Variants in PPM1H observed in about 807,000 individuals in gnomAD.
PPM1H encodes the protein protein phosphatase 1H.
PPM1H carries 27 observed loss-of-function variants against 54.9 expected under a neutral mutation model. The ratio of observed to expected loss-of-function variants is 0.49; its 90% CI spans 0.36 to 0.68. The LOEUF is 0.68. PPM1H is among the 30% of genes least tolerant of loss of function. PPM1H has a pLI of 0.00. For synonymous variants in PPM1H, 305 were observed against 270.8 expected (o/e 1.13, Z -1.24); for missense variants, 596 against 667.8 (o/e 0.89, Z 1.19).
In PPM1H at chr12:62,646,908, A is replaced by T. The variant is rs1404588925; in HGVS notation, c.*1581T>A. The T allele has an allele frequency of 6.6e-6, 1 of 152,184 alleles. No homozygotes were observed. The highest frequency in any genetic ancestry group is 1.9e-4 in the East Asian group (1 of 5,180). 9.4% of individuals were successfully genotyped at this position (152,184 alleles called of 1,614,324 possible). ...CTCTCCTCTGGGAAGAAATTCAAAC[A>T]AATATGAGAACTGGAATTAGCTCTC... On this transcript the variant is annotated 3_prime_UTR_variant, in exon 10 of 10. Coordinates refer to ENST00000228705, the MANE Select transcript of PPM1H (RefSeq NM_020700.2).
intron 6 of PPM1H, among the ~76,000 whole-genome samples, chr12:62,710,779 CTTT>C (rs1299058970): frequency 6.6e-6 from 1 of 152,122 alleles, no homozygotes; most frequent in African/African-American, 2.4e-5. Flanking sequence ...CTTCCTTTGT[CTTT>C]TTGTTTTCTA....
chr12:62,771,447 G>C (rs1384738711), intron 4 of PPM1H, among the ~76,000 whole-genome samples: 1 of 152,024 alleles, frequency 6.6e-6, no homozygotes, highest in Non-Finnish European at 1.5e-5. Context: ...TATTGGCTAA[G>C]ATGAATTATA....
chr12:62,669,793 C>A (rs2075944175), intron 8 of PPM1H, among the ~76,000 whole-genome samples: 1 of 151,494 alleles, frequency 6.6e-6, no homozygotes, highest in Non-Finnish European at 1.5e-5. Context: ...ACAATGAGAC[C>A]CTGGGCATGG....
At chr12:62,735,045 A>G (rs1170283247) in intron 5 of PPM1H, among the ~76,000 whole-genome samples, 1 of 152,136 alleles carries the variant, frequency 6.6e-6, no homozygotes, top group African/African-American at 2.4e-5. Context: ...CCCTGTCTCA[A>G]AACAAAAAAC....
intron 9 of PPM1H, among the ~76,000 whole-genome samples, chr12:62,656,702 T>A (rs531768700): frequency 6.6e-6 from 1 of 152,240 alleles, no homozygotes; most frequent in African/African-American, 2.4e-5. Flanking sequence ...GCAGGCTCCA[T>A]CTGCTGACAC....
Position 62,647,933 on chromosome 12 carries a change from C to T in PPM1H, c.*556G>A, listed in dbSNP as rs1223581420. On this transcript the variant is annotated 3_prime_UTR_variant, in exon 10 of 10. Coordinates refer to ENST00000228705, the MANE Select transcript of PPM1H (RefSeq NM_020700.2). ...GAAAAAAAAAAAAAAAAATCCCTGCCTCACTCCACCACTGCCATAAAAGAA... is the reference window on the plus strand; with the variant it reads ...GAAAAAAAAAAAAAAAAATCCCTGCTTCACTCCACCACTGCCATAAAAGAA... 1 of 149,408 alleles carries T rather than the reference C, an allele frequency of 6.7e-6. No individual in the cohort carries two copies. Among genetic ancestry groups the T allele is most frequent in the African/African-American group, 2.5e-5 (1 of 40,372 alleles). The allele number at this position is 149,408 out of a possible 1,614,324, so 9.3% of individuals were successfully genotyped here. A position where few individuals can be genotyped will look rare whatever the true frequency, so the allele number is the denominator to read the frequency against.
At chr12:62,777,204 T>C (rs2076616093) in intron 4 of PPM1H, among the ~76,000 whole-genome samples, 1 of 152,224 alleles carries the variant, frequency 6.6e-6, no homozygotes, top group African/African-American at 2.4e-5. Context: ...TTGCTATTTC[T>C]GCGGCCAAAG....
Position 62,840,955 on chromosome 12 carries a change from G to A in PPM1H, c.246-8676C>T, listed in dbSNP as rs574058026. ...CCTAGTGACAAAGAGGTTGTGAACC[G>A]AACAATGGCTCTCGGTGGAAGGGAA... On this transcript the variant is annotated intron_variant, in intron 1 of 9. Coordinates refer to ENST00000228705, the MANE Select transcript of PPM1H (RefSeq NM_020700.2). 5.9e-5 allele frequency among the ~76,000 whole-genome samples: 9 copies of A among 152,112 alleles called. No individual in the cohort carries two copies. The East Asian group carries it at 1.5e-3, about 26-fold the overall frequency.
intron 1 of PPM1H, among the ~76,000 whole-genome samples, chr12:62,835,332 C>T (rs1040949325): frequency 1.3e-5 from 2 of 152,198 alleles, no homozygotes; most frequent in Non-Finnish European, 2.9e-5. Context: ...ATGAGAAAAC[C>T]AGTGACCTGG....
chr12:62,724,411 T>C (rs1383310900), intron 5 of PPM1H, among the ~76,000 whole-genome samples: 1 of 152,196 alleles, frequency 6.6e-6, no homozygotes, highest in East Asian at 1.9e-4. Context: ...CCAGGGACCC[T>C]TGGGCTCTTT....
rs537513210 is a variant in PPM1H, at chr12:62,894,565, G to T, written c.245+39927C>A. Among the ~76,000 whole-genome samples the T allele has an allele frequency of 2.0e-5, 3 of 152,276 alleles. No individual in the cohort carries two copies. In the South Asian group the frequency reaches 6.2e-4, roughly 32 times the overall value. ...ATACTTATACTCTTAGCTGTTCCGT[G>T]TCCTCATCTATAAAACAGGGACAAT... On this transcript the variant is annotated intron_variant, in intron 1 of 9. Transcript: ENST00000228705.
chr12:62,926,827 G>T (rs965276165), intron 1 of PPM1H, among the ~76,000 whole-genome samples: 1 of 152,124 alleles, frequency 6.6e-6, no homozygotes, highest in African/African-American at 2.4e-5. Context: ...GGTGGCGCAT[G>T]CCTGTAATCC....
intron 1 of PPM1H, among the ~76,000 whole-genome samples, chr12:62,870,589 TA>T (rs1331002096): frequency 6.6e-6 from 1 of 152,128 alleles, no homozygotes; most frequent in Non-Finnish European, 1.5e-5. Flanking sequence ...ACATGCTGAA[TA>T]GGGGAGAAAA....
chr12:62,926,734 C>T (rs184885036), intron 1 of PPM1H, among the ~76,000 whole-genome samples: 33 of 152,260 alleles, frequency 2.2e-4, no homozygotes, highest in Middle Eastern at 3.4e-3. Context: ...GTGGGCGGAT[C>T]ACCTGAGGTT....
chr12:62,766,016 T>C (rs1052857104), intron 4 of PPM1H, among the ~76,000 whole-genome samples: 2 of 152,180 alleles, frequency 1.3e-5, no homozygotes, highest in African/African-American at 4.8e-5. Context: ...CCCCACATTG[T>C]AGTAATCTTG....
intron 8 of PPM1H, among the ~76,000 whole-genome samples, chr12:62,670,124 T>C (rs924377304): frequency 1.3e-5 from 2 of 151,578 alleles, no homozygotes; most frequent in Admixed American, 6.6e-5. Context: ...ATTACAGGCA[T>C]GTGCCACCAC....
At chr12:62,880,381 C>G (rs1870348510) in intron 1 of PPM1H, among the ~76,000 whole-genome samples, 1 of 152,174 alleles carries the variant, frequency 6.6e-6, no homozygotes, top group South Asian at 2.1e-4. Flanking sequence ...TTGTAACTTC[C>G]ATTATTTCTT....
chr12:62,813,384 T>C (rs1335122168), intron 2 of PPM1H, among the ~76,000 whole-genome samples: 1 of 152,150 alleles, frequency 6.6e-6, no homozygotes, highest in Non-Finnish European at 1.5e-5. Flanking sequence ...TAGAAATGCT[T>C]TCCTAGTTTT....
intron 4 of PPM1H, among the ~76,000 whole-genome samples, chr12:62,775,582 G>A (rs1047922060): frequency 6.6e-6 from 1 of 152,124 alleles, no homozygotes; most frequent in African/African-American, 2.4e-5. Context: ...ATGGAACGAA[G>A]GCTTTAAAAA....
Sources: gnomAD v4.1 joint callset for allele counts (sites outside exome capture counted in the v4.1 genomes callset) on GRCh38, gnomAD v4.1.1 for gene constraint, MANE v1.5 for transcripts, NCBI Gene and HGNC (gene_info 2026-07-23, HGNC 2026-07-21) for gene names.